Variants in TRAPPC8 observed in about 807,000 individuals in gnomAD.
TRAPPC8 encodes the protein trafficking protein particle complex subunit 8.
Under a neutral mutation model 174.3 loss-of-function variants are expected in TRAPPC8, and 54 were observed. The ratio of observed to expected loss-of-function variants is 0.31; its 90% CI spans 0.25 to 0.39. The LOEUF (loss-of-function observed/expected upper bound fraction) is 0.39. Ranked by LOEUF, TRAPPC8 falls within the 10% of genes least tolerant of loss-of-function variation. The pLI, the probability that TRAPPC8 is intolerant of heterozygous loss-of-function variation, is 1.00. For synonymous variants in TRAPPC8, 630 were observed against 579.9 expected (o/e 1.09, Z -1.24); for missense variants, 1,531 against 1,699.1 (o/e 0.90, Z 1.74).
chr18:31,906,135 C>T (rs1307511786), intron 9 of TRAPPC8, among the ~76,000 whole-genome samples: 1 of 150,948 alleles, frequency 6.6e-6, no homozygotes, highest in Non-Finnish European at 1.5e-5. Flanking sequence ...TCGAGACCAG[C>T]CTGGGCAACA....
chr18:31,931,599 TACAA>T, intron 1 of TRAPPC8, 76 bp from the exon 2 acceptor site: 1 of 1,163,244 alleles, frequency 8.6e-7, no homozygotes, highest in Admixed American at 2.9e-5. Flanking sequence ...GCTGATGGTT[TACAA>T]ACAAAAAGGA....
chr18:31,926,811 T>A (rs1415607316), intron 2 of TRAPPC8, among the ~76,000 whole-genome samples: 1 of 152,190 alleles, frequency 6.6e-6, no homozygotes, highest in Non-Finnish European at 1.5e-5. Context: ...AAGAAGTGAA[T>A]GACATTTAGT....
chr18:31,902,864 A>G (rs1486775232), intron 9 of TRAPPC8, among the ~76,000 whole-genome samples: 1 of 152,088 alleles, frequency 6.6e-6, no homozygotes, highest in Non-Finnish European at 1.5e-5. Context: ...CCTGGCTAAC[A>G]CAGTGAAACC....
chr18:31,941,169 G>A, intron 1 of TRAPPC8, among the ~76,000 whole-genome samples: 1 of 152,220 alleles, frequency 6.6e-6, no homozygotes, highest in East Asian at 1.9e-4. Context: ...AAGGCCGGGC[G>A]CGGTGGCTCA....
intron 10 of TRAPPC8, among the ~76,000 whole-genome samples, 168 bp from the exon 11 acceptor site, chr18:31,898,059 T>C (rs1167192540): frequency 1.3e-5 from 2 of 152,190 alleles, no homozygotes; most frequent in African/African-American, 2.4e-5. Flanking sequence ...GTTCCTTATA[T>C]AAAATTGTAT....
intron 26 of TRAPPC8, among the ~76,000 whole-genome samples, chr18:31,845,432 A>G (rs1293398255): frequency 2.6e-5 from 4 of 151,992 alleles, no homozygotes; most frequent in African/African-American, 9.6e-5. Context: ...TACTGCATCA[A>G]TGTTAAACTT....
intron 26 of TRAPPC8, among the ~76,000 whole-genome samples, chr18:31,842,383 C>G (rs565431514): frequency 1.3e-5 from 2 of 152,232 alleles, no homozygotes; most frequent in Admixed American, 1.3e-4. Context: ...ACTTAGGAAG[C>G]AAAGTTTCAG....
rs147140375 is a variant in TRAPPC8, at chr18:31,890,386, C to T, written c.1728+349G>A. On this transcript the variant is annotated intron_variant, in intron 12 of 28. Coordinates refer to ENST00000283351, the MANE Select transcript of TRAPPC8 (RefSeq NM_014939.5). ...TTTTAAAAAGTACTTTGAAAGAGAACAGAAGATCACAGCTGAAATAGGGAG... is the reference window on the plus strand; with the variant it reads ...TTTTAAAAAGTACTTTGAAAGAGAATAGAAGATCACAGCTGAAATAGGGAG... Among the ~76,000 whole-genome samples the T allele has an allele frequency of 3.1e-3, 476 of 152,188 alleles. 3 individuals carry two copies. Among genetic ancestry groups the T allele is most frequent in the Middle Eastern group, 6.8e-3 (2 of 294 alleles).
At chr18:31,867,350 T>A in intron 17 of TRAPPC8, 52 bp downstream of exon 17, 1 of 1,277,680 alleles carries the variant, frequency 7.8e-7, no homozygotes, top group Non-Finnish European at 1.1e-6. Flanking sequence ...AAAAATTTGT[T>A]TTCACCTTAC....
intron 3 of TRAPPC8, 107 bp from the exon 4 acceptor site, chr18:31,916,553 G>T: frequency 1.7e-6 from 2 of 1,192,510 alleles, no homozygotes; most frequent in Non-Finnish European, 2.3e-6. Flanking sequence ...TTGTTTCTGA[G>T]ACAAAGTCTC....
chr18:31,847,609 A>G (rs1219866239), intron 25 of TRAPPC8, among the ~76,000 whole-genome samples: 1 of 152,222 alleles, frequency 6.6e-6, no homozygotes, highest in Non-Finnish European at 1.5e-5. Flanking sequence ...TCCACAGAAC[A>G]AACTTTGAGT....
At position 31,851,690 on chromosome 18, in the gene TRAPPC8, A is replaced by T. The variant is rs2033711806; in HGVS notation, c.3561+756T>A. On this transcript the variant is annotated intron_variant, in intron 24 of 28. Coordinates refer to ENST00000283351, the MANE Select transcript of TRAPPC8 (RefSeq NM_014939.5). ...AACTCTTATACATAATTAGGATGGAATATCACTGCCCTAGAGAGTAATAGC... is the reference window on the plus strand; with the variant it reads ...AACTCTTATACATAATTAGGATGGATTATCACTGCCCTAGAGAGTAATAGC... Among the ~76,000 whole-genome samples, 4 of 152,136 alleles carry T rather than the reference A, an allele frequency of 2.6e-5. No individual in the cohort carries two copies. In the South Asian group the frequency reaches 8.3e-4, roughly 32 times the overall value.
At chr18:31,881,212 G>A (rs757965353) in intron 12 of TRAPPC8, among the ~76,000 whole-genome samples, 7 of 152,038 alleles carry the variant, frequency 4.6e-5, no homozygotes, top group East Asian at 3.9e-4. Context: ...AACAAAGCCC[G>A]AGGCATCACA....
chr18:31,846,903 T>C lies in TRAPPC8; in HGVS notation c.3736-86A>G, dbSNP rs553168472. On this transcript the variant is annotated intron_variant, in intron 25 of 28. Transcript: ENST00000283351. ...CCCAATACTTGATAGAAAGTGGAAA[T>C]AATATGGCCAATATCTATCAATTAT... The C allele has an allele frequency of 8.1e-6, 7 of 868,968 alleles. No individual in the cohort carries two copies. The South Asian group carries it at 1.4e-4, about 17-fold the overall frequency. The allele number at this position is 868,968 out of a possible 1,614,324, so 53.8% of individuals were successfully genotyped here.
intron 12 of TRAPPC8, among the ~76,000 whole-genome samples, chr18:31,878,077 G>A (rs1442744926): frequency 6.6e-6 from 1 of 152,124 alleles, no homozygotes; most frequent in Non-Finnish European, 1.5e-5. Context: ...GTTCCGCCCT[G>A]AGCCCATTTT....
chr18:31,922,050 A>G (rs1381423792), intron 2 of TRAPPC8, among the ~76,000 whole-genome samples: 2 of 152,212 alleles, frequency 1.3e-5, no homozygotes, highest in Non-Finnish European at 2.9e-5. Flanking sequence ...AAAAGTACTA[A>G]AAGAGTAACT....
chr18:31,869,066 T>C (rs2034720707), intron 16 of TRAPPC8, among the ~76,000 whole-genome samples: 1 of 152,004 alleles, frequency 6.6e-6, no homozygotes, highest in Admixed American at 6.6e-5. Flanking sequence ...GCAAGTTATA[T>C]GATAGATACT....
chr18:31,916,457 ATAT>A lies in TRAPPC8; in HGVS notation c.443-14_443-12del. On this transcript the variant is annotated splice_polypyrimidine_tract_variant and intron_variant, in intron 3 of 28. Transcript: ENST00000283351. ...ACGCTACCAACATACCTTGTAAACCATATTATTAAGGTAATTATCGCTTATTAC... is the reference window on the plus strand; with the variant it reads ...ACGCTACCAACATACCTTGTAAACCATATTAAGGTAATTATCGCTTATTAC... 1.3e-6 allele frequency: 2 copies of A among 1,599,454 alleles called. No homozygotes were observed. The highest frequency in any genetic ancestry group is 1.7e-6 in the Non-Finnish European group (2 of 1,174,626).
At chr18:31,850,727 T>C (rs1298405798) in intron 24 of TRAPPC8, among the ~76,000 whole-genome samples, 3 of 152,196 alleles carry the variant, frequency 2.0e-5, no homozygotes, top group Non-Finnish European at 4.4e-5. Flanking sequence ...CCCCATAGTT[T>C]TCTCATTAAT....
Sources: gnomAD v4.1 joint callset for allele counts (sites outside exome capture counted in the v4.1 genomes callset) on GRCh38, gnomAD v4.1.1 for gene constraint, MANE v1.5 for transcripts, NCBI Gene and HGNC (gene_info 2026-07-23, HGNC 2026-07-21) for gene names.